Variants in SYT14 observed in about 807,000 individuals in gnomAD.
SYT14 encodes the protein synaptotagmin-14.
A neutral mutation model predicts 74.2 loss-of-function variants in SYT14; 32 were observed. The ratio of observed to expected loss-of-function variants is 0.43; its 90% CI spans 0.33 to 0.58. The LOEUF (loss-of-function observed/expected upper bound fraction) is 0.58, where lower values mean the gene tolerates loss of function less well. Ranked by LOEUF, SYT14 falls within the 20% of genes least tolerant of loss-of-function variation. SYT14 has a pLI of 0.05. For synonymous variants in SYT14, 298 were observed against 337.7 expected (o/e 0.88, Z 1.29); for missense variants, 791 against 981.8 (o/e 0.81, Z 2.60).
exon 10 of SYT14, chr1:210,163,218 C>G (rs754909163): frequency 1.3e-5 from 6 of 448,600 alleles, no homozygotes; most frequent in South Asian, 7.8e-5. Context: ...TGCTTTCACT[C>G]TTAGTGAGAA....
chr1:210,036,757 A>G (rs1343957450), intron 5 of SYT14, among the ~76,000 whole-genome samples: 2 of 152,120 alleles, frequency 1.3e-5, no homozygotes, highest in Admixed American at 6.6e-5. Context: ...ATGTTGAACT[A>G]TCCTTATATC....
In SYT14 at chr1:210,093,174, A is replaced by C. The variant is rs115353712; in HGVS notation, c.1313-1148A>C. ...TGTAAATTTGTGCTACATTTGTGCA[A>C]ATTATCATTTTTCATTTGAACCAAG... On this transcript the variant is annotated intron_variant, in intron 5 of 9. Transcript: ENST00000637265. Among the ~76,000 whole-genome samples the C allele has an allele frequency of 8.8e-3, 1,332 of 152,128 alleles. 21 individuals are homozygous for C. Among genetic ancestry groups the C allele is most frequent in the African/African-American group, 0.03 (1,238 of 41,492 alleles).
At position 209,992,200 on chromosome 1, in the gene SYT14, C is replaced by T. The variant is rs141769439; in HGVS notation, c.-485-21433C>T. Reference sequence around the variant, plus strand: ...TTGCTCTGTCACCCAGGCTGGAGTGCAGCGGCACGATCATAGCTCACTCAT... The same window carrying T: ...TTGCTCTGTCACCCAGGCTGGAGTGTAGCGGCACGATCATAGCTCACTCAT... On this transcript the variant is annotated intron_variant, in intron 2 of 9. Coordinates refer to ENST00000637265, the Ensembl canonical transcript of SYT14. Among the ~76,000 whole-genome samples the T allele has an allele frequency of 6.9e-3, 1,046 of 152,174 alleles. 14 individuals carry two copies. Among genetic ancestry groups the T allele is most frequent in the Non-Finnish European group, 0.01 (695 of 68,006 alleles).
At chr1:209,938,307 G>A (rs780867124) in intron 1 of SYT14, 30 bp downstream of exon 1, 52 of 1,547,414 alleles carry the variant, frequency 3.4e-5, no homozygotes, top group Non-Finnish European at 4.2e-5. Context: ...GGGGAGCGAG[G>A]ACCGGGACCA....
At chr1:210,059,508 A>T (rs1213075920) in intron 5 of SYT14, among the ~76,000 whole-genome samples, 2 of 149,032 alleles carry the variant, frequency 1.3e-5, no homozygotes, top group South Asian at 4.3e-4. Context: ...GATTACATTA[A>T]CATTATTTCC....
At chr1:210,053,209 CTAATT>C (rs2081035456) in intron 5 of SYT14, among the ~76,000 whole-genome samples, 1 of 152,162 alleles carries the variant, frequency 6.6e-6, no homozygotes. Flanking sequence ...CAGTGAATCA[CTAATT>C]TATGCCACTG....
chr1:209,946,388 C>T (rs867427537), intron 1 of SYT14, among the ~76,000 whole-genome samples: 1 of 152,216 alleles, frequency 6.6e-6, no homozygotes, highest in Non-Finnish European at 1.5e-5. Flanking sequence ...ATTAACAGTG[C>T]TACCTGCTGT....
rs541426730 is a variant in SYT14, at chr1:210,036,789, T to G, written c.1312+15535T>G. On this transcript the variant is annotated intron_variant, in intron 5 of 9. Transcript: ENST00000637265. ...TATCCCTGAAATAAATCCCACTTGA[T>G]CGTGGTGTATTATATTTGTGATGTA... 3.9e-5 allele frequency among the ~76,000 whole-genome samples: 6 copies of G among 152,226 alleles called. No homozygotes were observed. The East Asian group carries it at 9.7e-4, about 25-fold the overall frequency.
chr1:210,121,779 G>GCGAGA (rs1258874147), intron 7 of SYT14, among the ~76,000 whole-genome samples: 1 of 149,444 alleles, frequency 6.7e-6, no homozygotes, highest in Non-Finnish European at 1.5e-5. Flanking sequence ...GGGCGACAGA[G>GCGAGA]CGAGACCCCA....
rs1306152425 is a variant in SYT14 at position 210,161,105 on chromosome 1, T to G, written c.*63T>G. The G allele has an allele frequency of 1.9e-6, 3 of 1,538,582 alleles. No homozygotes were observed. The Admixed American group carries it at 5.0e-5, about 26-fold the overall frequency. On this transcript the variant is annotated 3_prime_UTR_variant, in exon 10 of 10. Coordinates refer to ENST00000637265, the Ensembl canonical transcript of SYT14. Reference sequence around the variant, plus strand: ...ATATTTCCAATTCCAACATTACTGTTTCTACCAAGTCCCATTAGAAGAGCT... The same window carrying G: ...ATATTTCCAATTCCAACATTACTGTGTCTACCAAGTCCCATTAGAAGAGCT...
In SYT14 at chr1:209,949,345, C is replaced by T. The variant is rs190509824; in HGVS notation, c.-533-3364C>T. ...ATCCTAGCACTATGGGAGGCCGAGG[C>T]GGGCGGATCATGAGGTCAAGAGATC... On this transcript the variant is annotated intron_variant, in intron 1 of 9. Coordinates refer to ENST00000637265, the Ensembl canonical transcript of SYT14. Among the ~76,000 whole-genome samples the T allele has an allele frequency of 1.3e-3, 205 of 152,074 alleles. 5 individuals carry two copies. The East Asian group carries it at 0.035, about 26-fold the overall frequency.
At chr1:210,099,793 G>T (rs950567499) in intron 6 of SYT14, among the ~76,000 whole-genome samples, 9 of 152,190 alleles carry the variant, frequency 5.9e-5, no homozygotes, top group Non-Finnish European at 1.0e-4. Context: ...AATTCTAAAC[G>T]TGTCTTTATT....
intron 2 of SYT14, among the ~76,000 whole-genome samples, chr1:209,982,920 C>T (rs983445340): frequency 1.3e-4 from 20 of 152,106 alleles, no homozygotes; most frequent in East Asian, 3.9e-4. Flanking sequence ...TCTCTGTTGT[C>T]TTAATTTGCA....
intron 5 of SYT14, among the ~76,000 whole-genome samples, chr1:210,044,003 T>G (rs2080842403): frequency 6.6e-6 from 1 of 152,128 alleles, no homozygotes; most frequent in African/African-American, 2.4e-5. Flanking sequence ...TTTGCATTGG[T>G]TTCTCAACTT....
chr1:209,983,054 T>A (rs191756647), intron 2 of SYT14, among the ~76,000 whole-genome samples: 204 of 152,188 alleles, frequency 1.3e-3, no homozygotes, highest in Non-Finnish European at 2.2e-3. Flanking sequence ...TTTTTTTTTT[T>A]ATTGTTGAGT....
At chr1:210,107,186 G>GTGACCTT (rs1470528773) in intron 7 of SYT14, among the ~76,000 whole-genome samples, 1 of 152,224 alleles carries the variant, frequency 6.6e-6, no homozygotes, top group Non-Finnish European at 1.5e-5. Flanking sequence ...CCCTGAAAGG[G>GTGACCTT]TGACCTTGGG....
chr1:210,016,992 G>C, exon 4 of SYT14: 1 of 1,231,798 alleles, frequency 8.1e-7, no homozygotes, highest in Non-Finnish European at 1.0e-6. Context: ...ACGAAATACT[G>C]TAAAGTGAAC....
At chr1:210,079,056 A>G (rs2081569617) in intron 5 of SYT14, among the ~76,000 whole-genome samples, 1 of 152,044 alleles carries the variant, frequency 6.6e-6, no homozygotes, top group Non-Finnish European at 1.5e-5. Flanking sequence ...CCCAGCATGT[A>G]TGAATCCTTT....
intron 1 of SYT14, among the ~76,000 whole-genome samples, chr1:209,945,058 A>G (rs1025238590): frequency 1.3e-5 from 2 of 152,014 alleles, no homozygotes; most frequent in Non-Finnish European, 2.9e-5. Context: ...CATCTGTTTT[A>G]TTAAGACATC....
Sources: allele counts gnomAD v4.1 joint callset (sites outside exome capture counted in the v4.1 genomes callset), GRCh38; gene constraint gnomAD v4.1.1; transcripts MANE v1.5; gene names NCBI Gene and HGNC (gene_info 2026-07-23, HGNC 2026-07-21).